The following PAK3 variants were observed in gnomAD, a reference collection of about 807,000 sequenced individuals.
PAK3 encodes the protein p21 (RAC1) activated kinase 3, also known as serine/threonine-protein kinase PAK 3.
PAK3 carries 4 observed loss-of-function variants against 41.0 expected under a neutral mutation model. The ratio of observed to expected loss-of-function variants is 0.10; its 90% CI spans 0.05 to 0.22. PAK3 has a LOEUF of 0.22. PAK3 is among the 10% of genes least tolerant of loss of function. The pLI is 1.00. For missense variants in PAK3, 205 were observed against 409.9 expected (o/e 0.50, Z 4.32); for synonymous variants, 146 against 139.6 (o/e 1.05, Z -0.32).
chrX:111,198,870 A>G (rs1280314461), intron 16 of PAK3, among the ~76,000 whole-genome samples: 1 of 111,358 alleles, frequency 9.0e-6, no homozygotes, highest in African/African-American at 3.3e-5. Context: ...GAAAAGTGTC[A>G]TTGGTATTTT....
intron 6 of PAK3, chrX:111,144,777 T>C: frequency 1.9e-6 from 1 of 512,858 alleles, no homozygotes; most frequent in South Asian, 4.1e-5. Flanking sequence ...AAGCTAAAAG[T>C]AGGTTGGGAG....
chrX:111,168,410 A>G (rs1298541763), intron 10 of PAK3, among the ~76,000 whole-genome samples: 1 of 111,873 alleles, frequency 8.9e-6, no homozygotes, highest in Non-Finnish European at 1.9e-5. Context: ...AATTTACAAA[A>G]GCAAATTATA....
chrX:111,032,718 C>T (rs1332463411), intron 1 of PAK3, among the ~76,000 whole-genome samples: 2 of 111,210 alleles, frequency 1.8e-5, no homozygotes, highest in African/African-American at 6.5e-5. Flanking sequence ...TCCCTTTCTC[C>T]TGATTACTGA....
intron 5 of PAK3, among the ~76,000 whole-genome samples, chrX:111,136,587 T>C (rs141525932): frequency 4.6e-4 from 51 of 111,862 alleles, no homozygotes; most frequent in African/African-American, 1.6e-3. Flanking sequence ...TGTTTCAATA[T>C]TCCCCATTAC....
At chrX:111,042,584 C>T (rs1464758326) in intron 1 of PAK3, among the ~76,000 whole-genome samples, 5 of 111,844 alleles carry the variant, frequency 4.5e-5, no homozygotes, top group South Asian at 3.8e-4. Context: ...GTTCCAAGTT[C>T]CTGGCACAAG....
At chrX:111,104,666 G>A (rs1193932597) in intron 4 of PAK3, among the ~76,000 whole-genome samples, 1 of 111,835 alleles carries the variant, frequency 8.9e-6, no homozygotes, top group South Asian at 3.8e-4. Flanking sequence ...ATAATAACTT[G>A]TATTTATTGT....
intron 1 of PAK3, among the ~76,000 whole-genome samples, chrX:110,958,969 CAAT>C (rs1275956174): frequency 8.9e-6 from 1 of 112,155 alleles, no homozygotes; most frequent in Non-Finnish European, 1.9e-5. Context: ...GTGACGCACT[CAAT>C]GATATATATT....
intron 16 of PAK3, among the ~76,000 whole-genome samples, chrX:111,204,615 T>C (rs2094719161): frequency 9.0e-6 from 1 of 111,605 alleles, no homozygotes; most frequent in South Asian, 3.7e-4. Flanking sequence ...TTCTGACCTT[T>C]ATTGTCATTT....
In PAK3 at chrX:111,163,000, A is replaced by G. The variant is rs751517340; in HGVS notation, c.554A>G (p.Asn185Ser). The G allele has an allele frequency of 8.3e-7, 1 of 1,207,998 alleles. No homozygotes were observed. The highest frequency in any genetic ancestry group is 1.1e-6 in the Non-Finnish European group (1 of 892,175). Reference protein sequence around the residue: ...DEEEEEEEDENEPPPVIAPRP... With the variant: ...DEEEEEEEDESEPPPVIAPRP... ...GAGGAAGAAGAAGAAGAAGATGAAA[A>G]TGAGCCACCACCAGTTATCGCACCA... Residue 185 changes from asparagine to serine, a missense_variant, in exon 9 of 18, where the codon AAT becomes AGT. Transcript: ENST00000372007.
At chrX:111,016,794 AGAGAG>A (rs755204620) in intron 1 of PAK3, among the ~76,000 whole-genome samples, 40 of 108,190 alleles carry the variant, frequency 3.7e-4, no homozygotes, top group Admixed American at 5.9e-4. Flanking sequence ...AGAGAGGAGA[AGAGAG>A]GAGAGGAGAG....
chrX:111,124,434 G>A (rs958445214), intron 5 of PAK3, among the ~76,000 whole-genome samples: 1 of 111,684 alleles, frequency 9.0e-6, no homozygotes, highest in Middle Eastern at 4.2e-3. Flanking sequence ...GGAATTTAGG[G>A]TGTACCATAA....
intron 1 of PAK3, among the ~76,000 whole-genome samples, chrX:110,966,717 T>TA (rs774776869): frequency 1.8e-4 from 19 of 105,343 alleles, no homozygotes; most frequent in African/African-American, 2.4e-4. Context: ...TGTACAAATA[T>TA]AAAAAAAAAA....
chrX:111,061,851 G>C (rs2148809920), intron 1 of PAK3, among the ~76,000 whole-genome samples: 1 of 109,637 alleles, frequency 9.1e-6, no homozygotes, highest in South Asian at 3.9e-4. Flanking sequence ...GTCTTGCTTT[G>C]TTGCCCAGGC....
chrX:111,173,331 A>G (rs762423011), intron 11 of PAK3, among the ~76,000 whole-genome samples: 2 of 111,485 alleles, frequency 1.8e-5, no homozygotes, highest in Admixed American at 9.5e-5. Flanking sequence ...GGACATTTTG[A>G]TCCTATGTAG....
At chrX:111,022,894 T>A (rs772901563) in intron 1 of PAK3, among the ~76,000 whole-genome samples, 50 of 108,713 alleles carry the variant, frequency 4.6e-4, no homozygotes, top group African/African-American at 1.1e-3. Flanking sequence ...GCTATTCTTT[T>A]TATATATATA....
chrX:111,069,181 G>A (rs1184669798), intron 1 of PAK3, among the ~76,000 whole-genome samples: 1 of 111,903 alleles, frequency 8.9e-6, no homozygotes, highest in East Asian at 2.8e-4. Context: ...CCCTCTTCAC[G>A]TTTGGAAAGA....
intron 12 of PAK3, 141 bp from the exon 13 acceptor site, chrX:111,192,365 T>C (rs1447291080): frequency 9.8e-6 from 5 of 509,233 alleles, no homozygotes; most frequent in Non-Finnish European, 1.7e-5. Context: ...AAAAAAAAAG[T>C]GGGGGGCATG....
At chrX:111,171,046 A>C (rs940766989) in intron 10 of PAK3, among the ~76,000 whole-genome samples, 8 of 110,884 alleles carry the variant, frequency 7.2e-5, no homozygotes, top group Non-Finnish European at 1.5e-4. Context: ...TTTTATGAAT[A>C]GTATGGTCCC....
At chrX:111,080,113 T>G (rs1038756689) in intron 1 of PAK3, among the ~76,000 whole-genome samples, 1 of 112,548 alleles carries the variant, frequency 8.9e-6, no homozygotes, top group Non-Finnish European at 1.9e-5. Flanking sequence ...GGATATTACA[T>G]GAACTTAGTT....
Sources: allele counts gnomAD v4.1 joint callset (sites outside exome capture counted in the v4.1 genomes callset), GRCh38; gene constraint gnomAD v4.1.1; transcripts MANE v1.5; gene names NCBI Gene and HGNC (gene_info 2026-07-23, HGNC 2026-07-21).